Variants in PCDH7 observed in about 807,000 individuals in gnomAD.
The protein encoded by PCDH7 is protocadherin-7.
A neutral mutation model predicts 58.9 loss-of-function variants in PCDH7; 17 were observed. That is an observed-to-expected ratio of 0.29 (90% CI 0.20 to 0.43). The LOEUF is 0.43. PCDH7 is among the 20% of genes least tolerant of loss of function. The pLI, the probability that PCDH7 is intolerant of heterozygous loss-of-function variation, is 1.00. For synonymous variants in PCDH7, 664 were observed against 616.4 expected, an observed-to-expected ratio of 1.08 and a Z score of -1.14; for missense variants, 1,274 against 1,441.0, an observed-to-expected ratio of 0.88 and a Z score of 1.88.
intron 1 of PCDH7, among the ~76,000 whole-genome samples, chr4:30,801,097 A>T (rs1261995521): frequency 6.6e-6 from 1 of 152,210 alleles, no homozygotes; most frequent in East Asian, 1.9e-4. Flanking sequence ...CCTTGGAGAC[A>T]GATCAAGAAG....
chr4:30,842,034 G>A (rs4235011), intron 1 of PCDH7, among the ~76,000 whole-genome samples: 98,369 of 151,840 alleles, frequency 0.65, 33,983 homozygotes, highest in African/African-American at 0.91. Context: ...GACAAAGACC[G>A]TTGGTCCCAT....
chr4:31,125,456 AAAG>A (rs1461012472), intron 3 of PCDH7, among the ~76,000 whole-genome samples: 1 of 152,336 alleles, frequency 6.6e-6, no homozygotes. Flanking sequence ...CAGCTTAGAC[AAAG>A]AAGATTTTTT....
chr4:30,882,015 A>G lies in PCDH7; in HGVS notation c.71-38138A>G, dbSNP rs1309074897. On this transcript the variant is annotated intron_variant, in intron 1 of 3. Transcript: ENST00000509759. Reference sequence around the variant, plus strand: ...CATGAGTCTTATTGTAGATGTCACAATTTGGAGCTAGTAATTCTGAGAAGT... The same window carrying G: ...CATGAGTCTTATTGTAGATGTCACAGTTTGGAGCTAGTAATTCTGAGAAGT... Among the ~76,000 whole-genome samples, 3 of 151,986 alleles carry G rather than the reference A, an allele frequency of 2.0e-5. No individual in the cohort carries two copies. The East Asian group carries it at 5.8e-4, about 29-fold the overall frequency.
chr4:30,952,434 G>C (rs1277629234), intron 3 of PCDH7, among the ~76,000 whole-genome samples: 3 of 151,160 alleles, frequency 2.0e-5, no homozygotes, highest in African/African-American at 7.3e-5. Context: ...CAGTGGATAA[G>C]TAAAAAGACA....
chr4:30,889,898 G>A (rs950626481), intron 1 of PCDH7, among the ~76,000 whole-genome samples: 2 of 152,188 alleles, frequency 1.3e-5, no homozygotes, highest in Non-Finnish European at 2.9e-5. Context: ...ACTGGGCATT[G>A]CAGAGACAGA....
intron 1 of PCDH7, among the ~76,000 whole-genome samples, chr4:30,839,367 T>C (rs1317447551): frequency 2.6e-5 from 4 of 152,130 alleles, no homozygotes; most frequent in African/African-American, 9.7e-5. Context: ...GAAGTAACGA[T>C]AGTTTTTATA....
At chr4:30,866,603 C>T (rs1226961658) in intron 1 of PCDH7, among the ~76,000 whole-genome samples, 1 of 151,622 alleles carries the variant, frequency 6.6e-6, no homozygotes, top group Non-Finnish European at 1.5e-5. Context: ...AATGAAGTGA[C>T]TGGATATTTT....
chr4:31,043,201 C>A (rs1756023985), intron 3 of PCDH7, among the ~76,000 whole-genome samples: 1 of 152,048 alleles, frequency 6.6e-6, no homozygotes, highest in African/African-American at 2.4e-5. Context: ...GACAACTATT[C>A]AAACCATAGC....
intron 3 of PCDH7, among the ~76,000 whole-genome samples, chr4:31,086,981 C>A (rs1409741731): frequency 6.6e-6 from 1 of 152,108 alleles, no homozygotes; most frequent in Non-Finnish European, 1.5e-5. Flanking sequence ...AGATACATTT[C>A]CCCAAACAGC....
At chr4:31,042,790 G>A (rs1755988701) in intron 3 of PCDH7, among the ~76,000 whole-genome samples, 2 of 152,130 alleles carry the variant, frequency 1.3e-5, no homozygotes, top group African/African-American at 4.8e-5. Context: ...TTACTGTAAA[G>A]TTTGATGTCT....
intron 3 of PCDH7, among the ~76,000 whole-genome samples, chr4:31,067,886 G>T (rs758681702): frequency 6.6e-6 from 1 of 151,894 alleles, no homozygotes; most frequent in Non-Finnish European, 1.5e-5. Context: ...TGAGAGCGGC[G>T]CAATACCTTA....
At chr4:31,038,748 A>G (rs1755613561) in intron 3 of PCDH7, among the ~76,000 whole-genome samples, 1 of 152,106 alleles carries the variant, frequency 6.6e-6, no homozygotes, top group Non-Finnish European at 1.5e-5. Context: ...AAACATTGTG[A>G]TAATTTACTT....
intron 1 of PCDH7, among the ~76,000 whole-genome samples, chr4:30,908,046 C>G (rs1437612656): frequency 2.0e-5 from 3 of 151,896 alleles, no homozygotes; most frequent in Non-Finnish European, 2.9e-5. Context: ...GGGAGTTAAA[C>G]AATTAGAACA....
intron 1 of PCDH7, among the ~76,000 whole-genome samples, chr4:30,887,929 G>A (rs1305196547): frequency 4.6e-5 from 7 of 150,930 alleles, no homozygotes; most frequent in East Asian, 3.9e-4. Context: ...AGGCTGGAGT[G>A]CAGTGGTGCT....
chr4:31,028,972 G>C (rs1754671953), intron 3 of PCDH7, among the ~76,000 whole-genome samples: 1 of 152,214 alleles, frequency 6.6e-6, no homozygotes, highest in Non-Finnish European at 1.5e-5. Context: ...GCCCAGAACA[G>C]CTGATTCAGC....
At chr4:30,772,027 C>T (rs553781245) in intron 1 of PCDH7, among the ~76,000 whole-genome samples, 4 of 152,090 alleles carry the variant, frequency 2.6e-5, no homozygotes, top group East Asian at 3.9e-4. Context: ...CCTGCCACCA[C>T]GCCGGGTAAT....
chr4:30,899,492 T>C (rs1340705977), intron 1 of PCDH7, among the ~76,000 whole-genome samples: 1 of 152,170 alleles, frequency 6.6e-6, no homozygotes, highest in Non-Finnish European at 1.5e-5. Context: ...TATTTGAGCC[T>C]GCCCTATATG....
At chr4:30,964,724 G>A (rs1748847402) in intron 3 of PCDH7, among the ~76,000 whole-genome samples, 1 of 151,448 alleles carries the variant, frequency 6.6e-6, no homozygotes, top group South Asian at 2.1e-4. Flanking sequence ...GCACGTAATA[G>A]ATGGAAATGA....
At chr4:30,750,475 C>G (rs1718362916) in intron 1 of PCDH7, among the ~76,000 whole-genome samples, 1 of 152,058 alleles carries the variant, frequency 6.6e-6, no homozygotes, top group Admixed American at 6.6e-5. Flanking sequence ...CCATTAATCC[C>G]TCTCTCAAAC....
Sources: allele counts gnomAD v4.1 joint callset (sites outside exome capture counted in the v4.1 genomes callset), GRCh38; gene constraint gnomAD v4.1.1; transcripts MANE v1.5; gene names NCBI Gene and HGNC (gene_info 2026-07-23, HGNC 2026-07-21).